Variants in CCDC40 observed in about 807,000 individuals in gnomAD.
The protein encoded by CCDC40 is coiled-coil domain 40 molecular ruler complex subunit, also known as coiled-coil domain-containing protein 40.
Under a neutral mutation model 124.5 loss-of-function variants are expected in CCDC40, and 104 were observed. The ratio of observed to expected loss-of-function variants is 0.84; its 90% CI spans 0.71 to 0.98. CCDC40 has a LOEUF of 0.98. Ranked by LOEUF, CCDC40 falls within the 50% of genes least tolerant of loss-of-function variation. CCDC40 has a pLI of 0.00. For missense variants in CCDC40, 1,463 were observed against 1,503.9 expected, an observed-to-expected ratio of 0.97 and a Z score of 0.45; for synonymous variants, 580 against 602.9, an observed-to-expected ratio of 0.96 and a Z score of 0.56.
At chr17:80,049,043 C>T (rs1306414720) in intron 5 of CCDC40, among the ~76,000 whole-genome samples, 3 of 150,876 alleles carry the variant, frequency 2.0e-5, no homozygotes, top group Admixed American at 6.6e-5. Context: ...ACAGCATCCC[C>T]GAGCTCCCCC....
At chr17:80,056,016 A>ATATATATATTTTTTTTTT (rs71163913) in intron 7 of CCDC40, among the ~76,000 whole-genome samples, 3 of 10,246 alleles carry the variant, frequency 2.9e-4, no homozygotes, top group Admixed American at 3.0e-3. Flanking sequence ...ATATATATAT[A>ATATATATATTTTTTTTTT]TTTTTTTTTT....
At chr17:80,067,335 C>T (rs749567527) in intron 10 of CCDC40, 1 of 589,178 alleles carries the variant, frequency 1.7e-6, no homozygotes, top group Non-Finnish European at 3.0e-6. Context: ...GTCACTAGAA[C>T]CCCCTCCCAA....
chr17:80,056,582 C>T (rs1216669478), intron 7 of CCDC40, among the ~76,000 whole-genome samples: 1 of 152,090 alleles, frequency 6.6e-6, no homozygotes, highest in Non-Finnish European at 1.5e-5. Flanking sequence ...CGACTGCACT[C>T]CAGCCTGGGT....
intron 17 of CCDC40, among the ~76,000 whole-genome samples, chr17:80,092,321 C>T (rs143280222): frequency 0.014 from 2,189 of 152,178 alleles, 63 homozygotes; most frequent in East Asian, 0.098. Context: ...CAGGTGTGAG[C>T]CACTGTGCCC....
chr17:80,079,758 CT>C (rs1207883584), intron 10 of CCDC40, among the ~76,000 whole-genome samples: 6 of 64,854 alleles, frequency 9.3e-5, no homozygotes, highest in South Asian at 1.4e-3. Context: ...CCTGTCTCTA[CT>C]AAAAATACAA....
chr17:80,088,034 G>A lies in CCDC40; in HGVS notation c.2643G>A (p.Lys881=), dbSNP rs751502603. The A allele has an allele frequency of 2.5e-6, 4 of 1,612,390 alleles. No individual in the cohort carries two copies. Among genetic ancestry groups the A allele is most frequent in the Non-Finnish European group, 3.4e-6 (4 of 1,178,988 alleles). Reference sequence around the variant, plus strand: ...AGGCCTCTGAGAGGGAGACCATCAAGATGCAGGACAAGCTGAACCAGCTCA... The same window carrying A: ...AGGCCTCTGAGAGGGAGACCATCAAAATGCAGGACAAGCTGAACCAGCTCA... ...SLKASERETI[K]MQDKLNQLSE... Residue 881 remains lysine, a synonymous_variant, in exon 16 of 20, where the codon AAG becomes AAA. Transcript: ENST00000397545.
At position 80,083,347 on chromosome 17, in the gene CCDC40, G is replaced by A. The variant is rs548520910; in HGVS notation, c.1989+1289G>A. On this transcript the variant is annotated intron_variant, in intron 12 of 19. Transcript: ENST00000397545. ...CTTCCACTCCAGGTGGGCAGGGTCT[G>A]GGTTCCACCACCTGGGGACATTGGG... Among the ~76,000 whole-genome samples the A allele has an allele frequency of 5.9e-5, 9 of 152,320 alleles. No homozygotes were observed. The South Asian group carries it at 1.7e-3, about 28-fold the overall frequency.
At chr17:80,062,419 G>T (rs62074552) in intron 9 of CCDC40, among the ~76,000 whole-genome samples, 2 of 151,204 alleles carry the variant, frequency 1.3e-5, no homozygotes, top group Non-Finnish European at 2.9e-5. Context: ...TCGTCATTTA[G>T]CATTAGGTAT....
intron 10 of CCDC40, among the ~76,000 whole-genome samples, chr17:80,078,027 C>G (rs1272920959): frequency 6.6e-6 from 1 of 152,058 alleles, no homozygotes; most frequent in Non-Finnish European, 1.5e-5. Flanking sequence ...TATGTCTTCT[C>G]TAAGAAATCT....
intron 7 of CCDC40, among the ~76,000 whole-genome samples, chr17:80,050,636 G>T (rs1251343854): frequency 6.6e-6 from 1 of 152,186 alleles, no homozygotes; most frequent in Non-Finnish European, 1.5e-5. Flanking sequence ...TAGAGACGGG[G>T]TTTCACCATG....
At chr17:80,095,475 A>T in intron 18 of CCDC40, 24 bp downstream of exon 18, 1 of 1,521,196 alleles carries the variant, frequency 6.6e-7, no homozygotes, top group Non-Finnish European at 9.1e-7. Context: ...GAAAGGAAAC[A>T]GGGCGCCTGC....
intron 12 of CCDC40, among the ~76,000 whole-genome samples, chr17:80,082,770 C>CG (rs1204575733): frequency 6.6e-6 from 1 of 152,212 alleles, no homozygotes; most frequent in African/African-American, 2.4e-5. Context: ...CCCAGGCCCC[C>CG]GGGCCCCCGC....
intron 7 of CCDC40, among the ~76,000 whole-genome samples, chr17:80,056,014 A>ATTTTTTTTTTTTTTTTTTTTT (rs1173801732): frequency 7.4e-5 from 1 of 13,452 alleles, no homozygotes; most frequent in East Asian, 3.0e-3. Context: ...ATATATATAT[A>ATTTTTTTTTTTTTTTTTTTTT]TATTTTTTTT....
At chr17:80,049,081 C>G (rs912720895) in intron 5 of CCDC40, among the ~76,000 whole-genome samples, 6 of 150,694 alleles carry the variant, frequency 4.0e-5, no homozygotes, top group South Asian at 2.1e-4. Context: ...ACCACCCCCC[C>G]GCCTTGGTTG....
At chr17:80,061,550 G>A (rs1444370266) in intron 9 of CCDC40, among the ~76,000 whole-genome samples, 1 of 152,212 alleles carries the variant, frequency 6.6e-6, no homozygotes, top group Non-Finnish European at 1.5e-5. Flanking sequence ...GAGGCAGGTG[G>A]GCTACTTGGT....
Position 80,039,891 on chromosome 17 carries a change from C to A in CCDC40, c.173C>A (p.Thr58Asn). 10 of 1,613,620 alleles carry A rather than the reference C, an allele frequency of 6.2e-6. No individual in the cohort carries two copies. Among genetic ancestry groups the A allele is most frequent in the Non-Finnish European group, 8.5e-6 (10 of 1,179,892 alleles). The part of the protein sequence containing the change: ...GSTEHPEEVT[T>N]QAEAAIEEGE... ...ACAGAGCATCCTGAGGAAGTCACAA[C>A]CCAAGCGGAAGCTGCAATTGAAGAG... Residue 58 changes from threonine to asparagine, a missense_variant, in exon 3 of 20, where the codon ACC becomes AAC. By Grantham distance (65) the Thr-to-Asn change is moderately conservative. Coordinates refer to ENST00000397545, the MANE Select transcript of CCDC40 (RefSeq NM_017950.4).
At position 80,058,912 on chromosome 17, in the gene CCDC40, G is replaced by A. The variant is rs372976809; in HGVS notation, c.1372G>A (p.Ala458Thr). 1,160 of 1,614,160 alleles carry A rather than the reference G, an allele frequency of 7.2e-4. 17 individuals are homozygous for A. The South Asian group carries it at 0.012, about 17-fold the overall frequency. ...AGCCCAGCAACTGGAAGAAGACATT[G>A]CCCTGTTTGAGGCTCAGTACTTGGC... ...TRAQQLEEDI[A>T]LFEAQYLAQA... Residue 458 changes from alanine (A) to threonine (T), a missense_variant, in exon 9 of 20, where the codon GCC (alanine) becomes ACC (threonine). By Grantham distance (58) the Ala-to-Thr change is moderately conservative. Transcript: ENST00000397545. This position sits in a 1 kb window ranked among gnomAD's most constrained non-coding sequence, Gnocchi z 4.2.
chr17:80,081,641 G>A lies in CCDC40; in HGVS notation c.1658G>A (p.Ser553Asn). Residue 553 changes from serine (S) to asparagine (N), a missense_variant, in exon 11 of 20, where the codon AGC becomes AAC. Coordinates refer to ENST00000397545, the MANE Select transcript of CCDC40 (RefSeq NM_017950.4). ...GAAGAAAAGAACGAGAAGCTGGCGAGCATCCTGAACCGGACAGAGACGGAA... is the reference window on the plus strand; with the variant it reads ...GAAGAAAAGAACGAGAAGCTGGCGAACATCCTGAACCGGACAGAGACGGAA... ...KEEEKNEKLA[S>N]ILNRTETEAT... 6.2e-7 allele frequency: 1 copy of A among 1,614,176 alleles called. No individual in the cohort carries two copies. The highest frequency in any genetic ancestry group is 8.5e-7 in the Non-Finnish European group (1 of 1,180,032).
intron 10 of CCDC40, among the ~76,000 whole-genome samples, chr17:80,071,758 C>T (rs995967591): frequency 3.3e-5 from 5 of 150,562 alleles, no homozygotes; most frequent in Admixed American, 6.6e-5. Context: ...GTCCTGAGCA[C>T]GTTTGAGGGA....
Sources: allele counts gnomAD v4.1 joint callset (sites outside exome capture counted in the v4.1 genomes callset), GRCh38; gene constraint gnomAD v4.1.1; non-coding constraint Gnocchi (gnomAD v3.1); transcripts MANE v1.5; gene names NCBI Gene and HGNC (gene_info 2026-07-23, HGNC 2026-07-21).